Variants in MLLT1 observed in about 807,000 individuals in gnomAD.
MLLT1 encodes the protein MLLT1 super elongation complex subunit, also known as protein ENL.
A neutral mutation model predicts 55.1 loss-of-function variants in MLLT1; 11 were observed. That is an observed-to-expected ratio of 0.20 (90% CI 0.13 to 0.33). The LOEUF is 0.33. MLLT1 is among the 10% of genes least tolerant of loss of function. The pLI is 1.00. For synonymous variants in MLLT1, 323 were observed against 320.1 expected, an observed-to-expected ratio of 1.01 and a Z score of -0.10; for missense variants, 536 against 760.6, an observed-to-expected ratio of 0.70 and a Z score of 3.47.
At chr19:6,261,498 T>C (rs1253381423) in intron 3 of MLLT1, among the ~76,000 whole-genome samples, 1 of 152,054 alleles carries the variant, frequency 6.6e-6, no homozygotes, top group Non-Finnish European at 1.5e-5. Flanking sequence ...TCCCCAGCGT[T>C]GCCTCCATGC....
At chr19:6,276,899 G>A (rs2091430982) in intron 1 of MLLT1, among the ~76,000 whole-genome samples, 1 of 152,206 alleles carries the variant, frequency 6.6e-6, no homozygotes, top group African/African-American at 2.4e-5. Flanking sequence ...TGGGAGCCCA[G>A]AGCACAGTGG....
intron 5 of MLLT1, among the ~76,000 whole-genome samples, chr19:6,223,655 G>C (rs532851323): frequency 6.6e-6 from 1 of 152,314 alleles, no homozygotes; most frequent in East Asian, 1.9e-4. Context: ...CACCATGGCT[G>C]AGTTGGCTCA....
intron 6 of MLLT1, among the ~76,000 whole-genome samples, chr19:6,221,700 C>T (rs1303747582): frequency 6.6e-6 from 1 of 152,252 alleles, no homozygotes; most frequent in Non-Finnish European, 1.5e-5. Context: ...GGGTGAGTCT[C>T]CCAGATGCCC....
At chr19:6,252,654 T>A (rs1057119313) in intron 3 of MLLT1, among the ~76,000 whole-genome samples, 3 of 152,052 alleles carry the variant, frequency 2.0e-5, no homozygotes, top group African/African-American at 4.8e-5. Context: ...AATCAATGAC[T>A]CCTTCTACAC....
At chr19:6,245,922 C>T (rs1478353793) in intron 3 of MLLT1, among the ~76,000 whole-genome samples, 1 of 150,132 alleles carries the variant, frequency 6.7e-6, no homozygotes, top group Non-Finnish European at 1.5e-5. Context: ...ACAAAAAACC[C>T]AAAAAGTTGG....
chr19:6,239,531 G>T lies in MLLT1; in HGVS notation c.277-8818C>A, dbSNP rs117109385. 9.8e-3 allele frequency among the ~76,000 whole-genome samples: 1,496 copies of T among 152,188 alleles called. 23 individuals are homozygous for T. The highest frequency in any genetic ancestry group is 0.02 in the Admixed American group (301 of 15,294). ...GTTCAGAGGTGTGAGTCACACTCAC[G>T]CCCACACATGCACACACGCATGCGT... On this transcript the variant is annotated intron_variant, in intron 3 of 11. Transcript: ENST00000252674.
In MLLT1 at chr19:6,270,741, A is replaced by G. The variant is rs199933164; in HGVS notation, c.31T>C (p.Leu11=). 3 of 1,612,408 alleles carry G rather than the reference A, an allele frequency of 1.9e-6. No individual in the cohort carries two copies. The highest frequency in any genetic ancestry group is 1.7e-6 in the Non-Finnish European group (2 of 1,178,962). Reference sequence around the variant, plus strand: ...AGTTGGGCGCGATGCCCCAGCTCTAACCTCACCTGGACGGTGCACTGGAGG... The same window carrying G: ...AGTTGGGCGCGATGCCCCAGCTCTAGCCTCACCTGGACGGTGCACTGGAGG... MDNQCTVQVR[L]ELGHRAQLRK... Residue 11 remains leucine (L), a synonymous_variant, in exon 2 of 12, where the codon TTA becomes CTA. Coordinates refer to ENST00000252674, the MANE Select transcript of MLLT1 (RefSeq NM_005934.4). The surrounding 1 kb of genome is among the most constrained non-coding windows in gnomAD (Gnocchi z 7.1).
intron 3 of MLLT1, among the ~76,000 whole-genome samples, chr19:6,246,610 G>A (rs913812695): frequency 1.4e-4 from 21 of 152,158 alleles, no homozygotes; most frequent in African/African-American, 3.9e-4. Context: ...ACAGATGAGC[G>A]GTTGTAAGGG....
At chr19:6,216,567 C>G in intron 7 of MLLT1, 54 bp from the exon 8 acceptor site, 10 of 1,335,006 alleles carry the variant, frequency 7.5e-6, no homozygotes, top group Non-Finnish European at 1.0e-5. Flanking sequence ...TCCACTGAGC[C>G]TCCAGGGCCC....
Position 6,227,158 on chromosome 19 carries a change from C to A in MLLT1, c.421-56G>T. The A allele has an allele frequency of 1.3e-6, 2 of 1,544,602 alleles. No homozygotes were observed. Among genetic ancestry groups the A allele is most frequent in the African/African-American group, 1.4e-5 (1 of 70,908 alleles). On this transcript the variant is annotated intron_variant, in intron 4 of 11. Transcript: ENST00000252674. The surrounding 1 kb of genome is among the most constrained non-coding windows in gnomAD (Gnocchi z 5.1). ...ATGGGCAGGGGGCAGGGGGCCCACACGGGCCGGGCTGAAGGTGGTGGGGCT... is the reference window on the plus strand; with the variant it reads ...ATGGGCAGGGGGCAGGGGGCCCACAAGGGCCGGGCTGAAGGTGGTGGGGCT...
At chr19:6,233,327 C>A (rs10410687) in intron 3 of MLLT1, among the ~76,000 whole-genome samples, 1 of 152,354 alleles carries the variant, frequency 6.6e-6, no homozygotes, top group Non-Finnish European at 1.5e-5. Flanking sequence ...TCCAGAACCA[C>A]GAGTCCGGTC....
At chr19:6,267,371 T>TGG (rs908053073) in intron 2 of MLLT1, among the ~76,000 whole-genome samples, 3 of 148,676 alleles carry the variant, frequency 2.0e-5, no homozygotes, top group Non-Finnish European at 4.4e-5. Context: ...CCCAAAGTGC[T>TGG]GGCATGAACC....
rs528116800 is a variant in MLLT1, at chr19:6,214,129, C to T, written c.1308-91G>A. On this transcript the variant is annotated intron_variant, in intron 8 of 11. Coordinates refer to ENST00000252674, the MANE Select transcript of MLLT1 (RefSeq NM_005934.4). The stretch of plus-strand genomic sequence containing the variant: ...CTCAAGCCTCTGCCCCGCACGGAGT[C>T]GGTGCCTGAGCCCACACACCCCCAA... 101 of 740,336 alleles carry T rather than the reference C, an allele frequency of 1.4e-4. 1 individual carries two copies. Among genetic ancestry groups the T allele is most frequent in the South Asian group, 2.2e-4 (6 of 27,844 alleles). 45.9% of individuals were successfully genotyped at this position (740,336 alleles called of 1,614,324 possible). A position where few individuals can be genotyped will look rare whatever the true frequency, so the allele number is the denominator to read the frequency against.
Position 6,227,793 on chromosome 19 carries a change from C to A in MLLT1, c.421-691G>T, listed in dbSNP as rs1490696836. 6.6e-6 allele frequency among the ~76,000 whole-genome samples: 1 copy of A among 152,126 alleles called. No homozygotes were observed. Among genetic ancestry groups the A allele is most frequent in the Admixed American group, 6.5e-5 (1 of 15,278 alleles). On this transcript the variant is annotated intron_variant, in intron 4 of 11. Transcript: ENST00000252674. The surrounding 1 kb of genome is among the most constrained non-coding windows in gnomAD (Gnocchi z 5.1). ...TCTGGGGTCCTTCCAGGAGGGCTCCCAGGAAACACCTGCTGTGCAGGGGGA... is the reference window on the plus strand; with the variant it reads ...TCTGGGGTCCTTCCAGGAGGGCTCCAAGGAAACACCTGCTGTGCAGGGGGA...
intron 3 of MLLT1, among the ~76,000 whole-genome samples, chr19:6,249,630 A>T (rs1025454324): frequency 6.6e-6 from 1 of 152,192 alleles, no homozygotes; most frequent in African/African-American, 2.4e-5. Flanking sequence ...CCCCTTGAAG[A>T]GCTGGAGCCC....
At chr19:6,241,104 A>G (rs974324753) in intron 3 of MLLT1, among the ~76,000 whole-genome samples, 9 of 152,332 alleles carry the variant, frequency 5.9e-5, no homozygotes, top group East Asian at 5.8e-4. Flanking sequence ...CACCGGCCCA[A>G]TGCTGCCAGG....
At chr19:6,267,619 G>A (rs1028669078) in intron 2 of MLLT1, among the ~76,000 whole-genome samples, 1 of 152,120 alleles carries the variant, frequency 6.6e-6, no homozygotes, top group African/African-American at 2.4e-5. Flanking sequence ...CTTCTCTCTG[G>A]AGTGGCCCAG....
At position 6,212,313 on chromosome 19, in the gene MLLT1, T is replaced by C. The variant is rs2090783135; in HGVS notation, c.*729A>G. 4 of 1,065,224 alleles carry C rather than the reference T, an allele frequency of 3.8e-6. 1 individual carries two copies. In the South Asian group the frequency reaches 1.8e-4, roughly 49 times the overall value. 66.0% of individuals were successfully genotyped at this position (1,065,224 alleles called of 1,614,324 possible). A position where few individuals can be genotyped will look rare whatever the true frequency, so the allele number is the denominator to read the frequency against. ...CTTGGAACGGCAAAGGGAGAATTCC[T>C]CCATGCGCCTGGAGAGGGCCAGCTG... On this transcript the variant is annotated 3_prime_UTR_variant, in exon 12 of 12. Coordinates refer to ENST00000252674, the MANE Select transcript of MLLT1 (RefSeq NM_005934.4).
Position 6,242,844 on chromosome 19 carries a change from G to A in MLLT1, c.277-12131C>T, listed in dbSNP as rs565707108. Among the ~76,000 whole-genome samples the A allele has an allele frequency of 6.9e-3, 1,053 of 152,228 alleles. 20 individuals carry two copies. Among genetic ancestry groups the A allele is most frequent in the South Asian group, 8.1e-3 (39 of 4,818 alleles). On this transcript the variant is annotated intron_variant, in intron 3 of 11. Transcript: ENST00000252674. ...ACCTGGGGGGCTGCGAGCCGACACCGGCCACAGGAGAGGAAAGCAGGCCAC... is the reference window on the plus strand; with the variant it reads ...ACCTGGGGGGCTGCGAGCCGACACCAGCCACAGGAGAGGAAAGCAGGCCAC...
Sources: gnomAD v4.1 joint callset for allele counts (sites outside exome capture counted in the v4.1 genomes callset) on GRCh38, gnomAD v4.1.1 for gene constraint, Gnocchi (gnomAD v3.1) non-coding constraint, MANE v1.5 for transcripts, NCBI Gene and HGNC (gene_info 2026-07-23, HGNC 2026-07-21) for gene names.